WDFY4: variants seen among roughly 807,000 people sequenced by gnomAD.
WDFY4 encodes the protein WD repeat- and FYVE domain-containing protein 4.
WDFY4 carries 169 observed loss-of-function variants against 351.9 expected under a neutral mutation model. The observed-to-expected ratio is 0.48, with a 90% confidence interval of 0.42 to 0.55. The LOEUF is 0.55. WDFY4 is among the 20% of genes least tolerant of loss of function. The pLI is 0.00. For missense variants in WDFY4, 3,803 were observed against 3,935.6 expected (o/e 0.97, Z 0.90); for synonymous variants, 1,622 against 1,574.6 (o/e 1.03, Z -0.71).
chr10:48,783,139 A>T (rs10857639), intron 19 of WDFY4, among the ~76,000 whole-genome samples: 7,733 of 152,278 alleles, frequency 0.051, 246 homozygotes, highest in Middle Eastern at 0.082. Context: ...GTCATCCCTC[A>T]GTTTCCTCAG....
intron 57 of WDFY4, 116 bp downstream of exon 57, chr10:48,970,405 T>A (rs924587389): frequency 7.2e-7 from 1 of 1,383,832 alleles, no homozygotes; most frequent in African/African-American, 1.4e-5. Flanking sequence ...ACACCCTAAC[T>A]CTGCTCACTG....
chr10:48,694,339 A>C (rs2063274388), intron 1 of WDFY4, among the ~76,000 whole-genome samples: 1 of 152,116 alleles, frequency 6.6e-6, no homozygotes, highest in Admixed American at 6.5e-5. Context: ...AGTTAAGCCC[A>C]GCCTCTCCTG....
At chr10:48,925,317 T>A (rs1839479254) in intron 47 of WDFY4, among the ~76,000 whole-genome samples, 2 of 152,198 alleles carry the variant, frequency 1.3e-5, no homozygotes, top group Admixed American at 1.3e-4. Context: ...TCTTCACAGA[T>A]GAAGTCCATG....
Position 48,787,941 on chromosome 10 carries a change from T to C in WDFY4, c.3809-589T>C, listed in dbSNP as rs374093144. On this transcript the variant is annotated intron_variant, in intron 20 of 61. Transcript: ENST00000325239. ...TTCTTCTTCTTCTTCTTCTTCTTCTTCTTCTTCTTCTTCTTCTTCTTCTTC... is the reference window on the plus strand; with the variant it reads ...TTCTTCTTCTTCTTCTTCTTCTTCTCCTTCTTCTTCTTCTTCTTCTTCTTC... Among the ~76,000 whole-genome samples the C allele has an allele frequency of 5.2e-3, 503 of 96,862 alleles. 3 individuals carry two copies. The highest frequency in any genetic ancestry group is 0.014 in the South Asian group (36 of 2,652). 63.5% of individuals were successfully genotyped at this position (96,862 alleles called of 152,430 possible).
chr10:48,909,543 C>T (rs943316371), intron 47 of WDFY4: 1 of 152,106 alleles, frequency 6.6e-6, no homozygotes, highest in African/African-American at 2.4e-5. Flanking sequence ...GGTGCCGGCA[C>T]CTCCTTCTGG....
At chr10:48,941,254 C>T (rs952422263) in intron 47 of WDFY4, among the ~76,000 whole-genome samples, 4 of 152,054 alleles carry the variant, frequency 2.6e-5, no homozygotes, top group Admixed American at 2.0e-4. Context: ...ACGATGTGAT[C>T]CCATGTATGA....
chr10:48,812,179 C>CTTTTTTTTT (rs1355851618), intron 30 of WDFY4, among the ~76,000 whole-genome samples: 15 of 134,562 alleles, frequency 1.1e-4, no homozygotes, highest in African/African-American at 4.4e-4. Flanking sequence ...TCTTTCTTTT[C>CTTTTTTTTT]TTTTTTTTTT....
At chr10:48,900,936 T>G (rs918814768) in intron 46 of WDFY4, among the ~76,000 whole-genome samples, 1 of 152,250 alleles carries the variant, frequency 6.6e-6, no homozygotes, top group African/African-American at 2.4e-5. Flanking sequence ...CTCATCATTA[T>G]AGACCACAGA....
intron 17 of WDFY4, among the ~76,000 whole-genome samples, chr10:48,778,124 A>G (rs2066095258): frequency 6.6e-6 from 1 of 152,174 alleles, no homozygotes; most frequent in Non-Finnish European, 1.5e-5. Flanking sequence ...TGTTAGGAGA[A>G]TTGGGTTTGG....
rs1405504106 is a variant in WDFY4, at chr10:48,778,086, T to C, written c.3176-525T>C. On this transcript the variant is annotated intron_variant, in intron 17 of 61. Coordinates refer to ENST00000325239, the MANE Select transcript of WDFY4 (RefSeq NM_001394531.1). ...AACACGCTGGGTGGGACAGTGCAAG[T>C]GCCTGATGCTGCCTGAGCCACACGC... is the stretch of plus-strand genomic sequence containing the variant. Among the ~76,000 whole-genome samples, 3 of 152,234 alleles carry C rather than the reference T, an allele frequency of 2.0e-5. No individual in the cohort carries two copies. The East Asian group carries it at 5.8e-4, about 29-fold the overall frequency.
chr10:48,767,211 C>T lies in WDFY4; in HGVS notation c.2553+6771C>T, dbSNP rs78139477. On this transcript the variant is annotated intron_variant, in intron 13 of 61. Coordinates refer to ENST00000325239, the MANE Select transcript of WDFY4 (RefSeq NM_001394531.1). ...GAACCCTTTTAAGTCTCAGTGTTCTCATCTGCAAAATGGGTGTGATGATAT... is the reference window on the plus strand; with the variant it reads ...GAACCCTTTTAAGTCTCAGTGTTCTTATCTGCAAAATGGGTGTGATGATAT... Among the ~76,000 whole-genome samples, 488 of 152,276 alleles carry T rather than the reference C, an allele frequency of 3.2e-3. 1 individual carries two copies. Among genetic ancestry groups the T allele is most frequent in the Non-Finnish European group, 5.6e-3 (381 of 68,020 alleles).
chr10:48,941,083 C>T (rs1346591944), intron 47 of WDFY4, among the ~76,000 whole-genome samples: 4 of 152,226 alleles, frequency 2.6e-5, no homozygotes, highest in East Asian at 1.9e-4. Context: ...CTCCTGGAAA[C>T]GTCAGTTGTG....
At chr10:48,931,749 C>T (rs1840023133) in intron 47 of WDFY4, among the ~76,000 whole-genome samples, 2 of 152,204 alleles carry the variant, frequency 1.3e-5, no homozygotes, top group African/African-American at 4.8e-5. Flanking sequence ...ATTCAGATTT[C>T]CTTTTCCTCC....
chr10:48,699,625 G>T (rs117319448), intron 1 of WDFY4, among the ~76,000 whole-genome samples: 1 of 152,148 alleles, frequency 6.6e-6, no homozygotes, highest in Non-Finnish European at 1.5e-5. Flanking sequence ...TAATGTCCAC[G>T]TCTTGGAGTC....
chr10:48,696,791 C>T (rs1208785069), intron 1 of WDFY4, among the ~76,000 whole-genome samples: 1 of 152,382 alleles, frequency 6.6e-6, no homozygotes, highest in Middle Eastern at 3.4e-3. Flanking sequence ...CAGAAGAGGC[C>T]ATGCAGTGCG....
At chr10:48,755,843 C>G (rs572218193) in intron 12 of WDFY4, among the ~76,000 whole-genome samples, 1 of 152,140 alleles carries the variant, frequency 6.6e-6, no homozygotes, top group African/African-American at 2.4e-5. Flanking sequence ...CTTTGGCTGT[C>G]CTGATGGAAC....
intron 12 of WDFY4, among the ~76,000 whole-genome samples, chr10:48,754,556 T>G (rs1026277522): frequency 9.2e-5 from 14 of 151,544 alleles, no homozygotes; most frequent in Admixed American, 9.2e-4. Flanking sequence ...TATCATTTCT[T>G]ATTCATTATG....
chr10:48,859,582 T>C (rs2069263175), intron 39 of WDFY4, among the ~76,000 whole-genome samples: 1 of 152,224 alleles, frequency 6.6e-6, no homozygotes, highest in Non-Finnish European at 1.5e-5. Context: ...TTGGCCATTG[T>C]ATATTAGTGT....
At chr10:48,873,829 C>A (rs925982351) in intron 41 of WDFY4, 132 bp downstream of exon 41, 1 of 1,007,884 alleles carries the variant, frequency 9.9e-7, no homozygotes, top group South Asian at 1.7e-5. Context: ...TAGGAGAGTC[C>A]CAAAATTTAT....
Sources: gnomAD v4.1 joint callset for allele counts (sites outside exome capture counted in the v4.1 genomes callset) on GRCh38, gnomAD v4.1.1 for gene constraint, MANE v1.5 for transcripts, NCBI Gene and HGNC (gene_info 2026-07-23, HGNC 2026-07-21) for gene names.